The following TRPM3 variants were observed in gnomAD, a reference collection of about 807,000 sequenced individuals.
TRPM3 encodes long transient receptor potential channel 3.
Under a neutral mutation model 181.2 loss-of-function variants are expected in TRPM3, and 77 were observed. The ratio of observed to expected loss-of-function variants is 0.42; its 90% CI spans 0.35 to 0.51. The LOEUF (loss-of-function observed/expected upper bound fraction) is 0.51, where lower values mean the gene tolerates loss of function less well. Ranked by LOEUF, TRPM3 falls within the 20% of genes least tolerant of loss-of-function variation. TRPM3 has a pLI of 0.01. For synonymous variants in TRPM3, 745 were observed against 796.4 expected (o/e 0.94, Z 1.09); for missense variants, 1,759 against 2,196.7 (o/e 0.80, Z 3.98).
At chr9:71,328,338 T>C (rs35098888) in intron 1 of TRPM3, among the ~76,000 whole-genome samples, 1 of 152,042 alleles carries the variant, frequency 6.6e-6, no homozygotes. Flanking sequence ...TAATTTTTTG[T>C]ATTTTTTTTA....
chr9:71,431,258 G>T (rs1181334166), intron 1 of TRPM3, among the ~76,000 whole-genome samples: 1 of 152,084 alleles, frequency 6.6e-6, no homozygotes, highest in Admixed American at 6.6e-5. Context: ...AAGTTTTCTA[G>T]ATCTGGTTTT....
Position 71,382,683 on chromosome 9 carries a change from A to G in TRPM3, c.183+63970T>C, listed in dbSNP as rs2092829927. ...AGAGCAATATAACTTTTATATCTGT[A>G]TAGTCTTTTTTTTTTTTGCACTTTA... On this transcript the variant is annotated intron_variant, in intron 1 of 24. Coordinates refer to the TRPM3 transcript ENST00000357533. 3.1e-5 allele frequency among the ~76,000 whole-genome samples: 4 copies of G among 127,456 alleles called. No homozygotes were observed. In the South Asian group the frequency reaches 1.0e-3, roughly 32 times the overall value. The allele number at this position is 127,456 out of a possible 152,430, so 83.6% of individuals were successfully genotyped here. A position where few individuals can be genotyped will look rare whatever the true frequency, so the allele number is the denominator to read the frequency against.
intron 1 of TRPM3, among the ~76,000 whole-genome samples, chr9:70,925,464 G>A (rs2096711613): frequency 1.3e-5 from 2 of 152,156 alleles, no homozygotes; most frequent in Admixed American, 6.6e-5. Flanking sequence ...AAAAGATTAT[G>A]AGTCATCATA....
At chr9:71,193,936 G>T (rs373142219) in intron 1 of TRPM3, among the ~76,000 whole-genome samples, 1 of 151,734 alleles carries the variant, frequency 6.6e-6, no homozygotes, top group Admixed American at 6.6e-5. Context: ...ATCACTCAGC[G>T]TGCACCCAAA....
intron 1 of TRPM3, among the ~76,000 whole-genome samples, chr9:71,170,131 G>A (rs1380441769): frequency 1.3e-5 from 2 of 151,906 alleles, no homozygotes; most frequent in Non-Finnish European, 2.9e-5. Context: ...CATAGGAGAA[G>A]AAATTGGAGG....
At position 71,005,164 on chromosome 9, in the gene TRPM3, TAGGAAGGCC is replaced by T. The variant is rs144991240; in HGVS notation, c.177+116005_177+116013del. ...TGGCTCATGCCTGTAATCCAGTACT[TAGGAAGGCC>T]AGGTGGGCAGATCACCTGAGTTTGG... On this transcript the variant is annotated intron_variant, in intron 1 of 25. Transcript: ENST00000677713. Among the ~76,000 whole-genome samples, 1,365 of 152,172 alleles carry T rather than the reference TAGGAAGGCC, an allele frequency of 9.0e-3. 21 individuals carry two copies. Among genetic ancestry groups the T allele is most frequent in the African/African-American group, 0.029 (1,223 of 41,504 alleles).
intron 1 of TRPM3, among the ~76,000 whole-genome samples, chr9:71,355,591 C>T (rs184057997): frequency 1.1e-4 from 16 of 152,264 alleles, no homozygotes; most frequent in Admixed American, 2.6e-4. Context: ...TCATTTCTTA[C>T]GGCAGCCCTA....
intron 1 of TRPM3, among the ~76,000 whole-genome samples, chr9:71,208,372 A>C (rs2079258102): frequency 6.6e-6 from 1 of 152,190 alleles, no homozygotes; most frequent in Admixed American, 6.6e-5. Context: ...TTAGGTACTG[A>C]AAAGTATTTG....
intron 1 of TRPM3, among the ~76,000 whole-genome samples, chr9:71,382,678 T>C (rs1309461726): frequency 1.4e-5 from 2 of 138,372 alleles, no homozygotes; most frequent in African/African-American, 5.2e-5. Flanking sequence ...AACTTTTATA[T>C]CTGTATAGTC....
chr9:70,675,313 CTGGTCTTGAACTCCTGACCTCAGG>C (rs1322745138), intron 9 of TRPM3, among the ~76,000 whole-genome samples: 1 of 152,150 alleles, frequency 6.6e-6, no homozygotes, highest in African/African-American at 2.4e-5. Flanking sequence ...GTTGGCCAGG[CTGGTCTTGAACTCCTGACCTCAGG>C]TGATCCACTC....
Position 70,928,132 on chromosome 9 carries a change from A to T in TRPM3, c.178-63621T>A, listed in dbSNP as rs536795704. 4.6e-5 allele frequency among the ~76,000 whole-genome samples: 7 copies of T among 152,258 alleles called. No homozygotes were observed. The East Asian group carries it at 1.4e-3, about 29-fold the overall frequency. ...CATGGGGTTGGAGTCAGAGAGATAG[A>T]TCTAGGGCCAAATGCCACTTCCGTG... On this transcript the variant is annotated intron_variant, in intron 1 of 25. Transcript: ENST00000677713.
chr9:71,134,045 G>T (rs1416284098), intron 1 of TRPM3, among the ~76,000 whole-genome samples: 1 of 151,562 alleles, frequency 6.6e-6, no homozygotes, highest in Admixed American at 6.6e-5. Flanking sequence ...GTCTGTGTTT[G>T]CATCTCAATC....
rs1488610425 is a variant in TRPM3, at chr9:70,615,936, T to C, written c.2498A>G (p.Glu833Gly). ...GAGCTCCATGTCCTCTTCCTCTTTT[T>C]CCTTTGTGGGCTTCTCTGGTTCTTC... ...EAEEPEKPTK[E>G]KEEEDMELTA... The change falls in exon 18 of 26, where the codon GAA (glutamate) becomes GGA (glycine). Residue 833 changes from glutamate (E) to glycine (G), a missense_variant. Glu to Gly is a moderately conservative substitution (Grantham distance 98, BLOSUM62 -2). Around this residue, in one of 8 missense-constraint regions of TRPM3, gnomAD observed 114 missense variants for 134.8 expected, o/e 0.85. Transcript: ENST00000677713. The C allele has an allele frequency of 1.2e-6, 2 of 1,610,838 alleles. No homozygotes were observed. The highest frequency in any genetic ancestry group is 1.7e-5 in the Admixed American group (1 of 59,286).
In TRPM3 at chr9:71,408,139, T is replaced by A. The variant is rs1588891080; in HGVS notation, c.183+38514A>T. On this transcript the variant is annotated intron_variant, in intron 1 of 24. Coordinates refer to the TRPM3 transcript ENST00000357533. ...CCAAAGGTAGATAAAACCACAAAGA[T>A]GGGGAGAAACCAGAGCAGAAAAGTT... Among the ~76,000 whole-genome samples the A allele has an allele frequency of 2.0e-5, 3 of 152,294 alleles. No individual in the cohort carries two copies. In the East Asian group the frequency reaches 5.8e-4, roughly 29 times the overall value.
At chr9:71,104,331 C>T (rs932489351) in intron 1 of TRPM3, among the ~76,000 whole-genome samples, 101 of 152,036 alleles carry the variant, frequency 6.6e-4, no homozygotes, top group African/African-American at 2.4e-3. Context: ...AATGTATAGC[C>T]TACTTTAGAC....
At chr9:71,252,325 G>A (rs2082396709) in intron 1 of TRPM3, among the ~76,000 whole-genome samples, 1 of 152,130 alleles carries the variant, frequency 6.6e-6, no homozygotes, top group Admixed American at 6.5e-5. Context: ...GGGTAACACA[G>A]TGGTTTTTCG....
At chr9:71,230,963 T>C (rs562146205) in intron 1 of TRPM3, among the ~76,000 whole-genome samples, 1 of 152,178 alleles carries the variant, frequency 6.6e-6, no homozygotes, top group Non-Finnish European at 1.5e-5. Flanking sequence ...AAAGGAAATA[T>C]TACTATTTAT....
intron 1 of TRPM3, among the ~76,000 whole-genome samples, chr9:71,068,181 A>G (rs569566227): frequency 3.2e-4 from 48 of 152,318 alleles, no homozygotes; most frequent in African/African-American, 1.2e-3. Flanking sequence ...ACTCTTCTTC[A>G]TGGAAGATTT....
intron 9 of TRPM3, among the ~76,000 whole-genome samples, chr9:70,672,063 T>A (rs1563932440): frequency 6.6e-6 from 1 of 152,042 alleles, no homozygotes; most frequent in Non-Finnish European, 1.5e-5. Flanking sequence ...TGTAGAGATG[T>A]GTATTTCTTT....
Sources: allele counts gnomAD v4.1 joint callset (sites outside exome capture counted in the v4.1 genomes callset), GRCh38; gene constraint gnomAD v4.1.1; regional missense constraint gnomAD v4.1.1; transcripts MANE v1.5; gene names NCBI Gene and HGNC (gene_info 2026-07-23, HGNC 2026-07-21).